SGCZ: variants seen among roughly 807,000 people sequenced by gnomAD.
SGCZ encodes the protein sarcoglycan zeta, also known as zeta-sarcoglycan.
SGCZ carries 40 observed loss-of-function variants against 41.3 expected under a neutral mutation model. That is an observed-to-expected ratio of 0.97 (90% CI 0.75 to 1.26). SGCZ has a LOEUF of 1.26. SGCZ is among the 50% of genes most tolerant of loss of function. The pLI is 0.00. For synonymous variants in SGCZ, 206 were observed against 137.5 expected (o/e 1.50, Z -3.49); for missense variants, 552 against 369.8 (o/e 1.49, Z -4.04).
At chr8:14,190,788 G>C (rs1805076597) in intron 4 of SGCZ, among the ~76,000 whole-genome samples, 1 of 151,786 alleles carries the variant, frequency 6.6e-6, no homozygotes, top group African/African-American at 2.4e-5. Context: ...ATTTTTAGTA[G>C]AGACGGCGTT....
intron 1 of SGCZ, among the ~76,000 whole-genome samples, chr8:14,618,470 T>C (rs1240486706): frequency 6.6e-6 from 1 of 152,118 alleles, no homozygotes; most frequent in Non-Finnish European, 1.5e-5. Context: ...TCCTGGCATA[T>C]TCCAAGGGCA....
chr8:14,715,433 T>C (rs1028323725), intron 1 of SGCZ, among the ~76,000 whole-genome samples: 4 of 152,126 alleles, frequency 2.6e-5, no homozygotes, highest in African/African-American at 9.7e-5. Context: ...CAAAGGTATC[T>C]GCCCACCTAT....
intron 1 of SGCZ, among the ~76,000 whole-genome samples, chr8:14,999,154 G>C (rs546585545): frequency 3.9e-5 from 6 of 152,126 alleles, no homozygotes; most frequent in Non-Finnish European, 7.3e-5. Flanking sequence ...TTTCCATGTA[G>C]CCACACATAT....
At chr8:15,015,230 G>A (rs1383108785) in intron 1 of SGCZ, among the ~76,000 whole-genome samples, 2 of 151,318 alleles carry the variant, frequency 1.3e-5, no homozygotes, top group Non-Finnish European at 2.9e-5. Context: ...GAAACAGAGT[G>A]AGACTCCATC....
intron 2 of SGCZ, among the ~76,000 whole-genome samples, chr8:14,401,090 C>T (rs4831582): frequency 0.19 from 29,584 of 151,882 alleles, 3,577 homozygotes; most frequent in Non-Finnish European, 0.28. Context: ...GGAAAGCAGT[C>T]CACACTGTGC....
chr8:14,389,948 T>C (rs1804707503), intron 2 of SGCZ, among the ~76,000 whole-genome samples: 1 of 151,818 alleles, frequency 6.6e-6, no homozygotes, highest in Admixed American at 6.6e-5. Flanking sequence ...TTAAAAACGG[T>C]GTGAGTATTG....
At chr8:14,671,071 C>T (rs1033527664) in intron 1 of SGCZ, among the ~76,000 whole-genome samples, 2 of 152,306 alleles carry the variant, frequency 1.3e-5, no homozygotes, top group South Asian at 4.1e-4. Context: ...CATTCATTTT[C>T]CTCTTCTTCA....
At chr8:15,103,594 C>T (rs1364534215) in intron 1 of SGCZ, among the ~76,000 whole-genome samples, 1 of 151,812 alleles carries the variant, frequency 6.6e-6, no homozygotes, top group Non-Finnish European at 1.5e-5. Context: ...GAGTCTAAGC[C>T]AAGTCAAACT....
chr8:14,773,425 G>C (rs529960637), intron 1 of SGCZ, among the ~76,000 whole-genome samples: 1 of 152,126 alleles, frequency 6.6e-6, no homozygotes, highest in African/African-American at 2.4e-5. Context: ...TTTGTTCCTG[G>C]TCGTGGGTTT....
At chr8:15,165,291 C>T (rs911996342) in intron 1 of SGCZ, among the ~76,000 whole-genome samples, 14 of 151,804 alleles carry the variant, frequency 9.2e-5, no homozygotes, top group African/African-American at 3.1e-4. Flanking sequence ...CTGTCCTCCC[C>T]GCCCCCACCA....
intron 1 of SGCZ, among the ~76,000 whole-genome samples, chr8:14,940,838 T>G (rs1800251032): frequency 6.6e-6 from 1 of 152,114 alleles, no homozygotes; most frequent in Non-Finnish European, 1.5e-5. Context: ...GGAGACGTTT[T>G]ACGTGTTTTA....
At chr8:14,876,311 C>G (rs1013342366) in intron 1 of SGCZ, among the ~76,000 whole-genome samples, 3 of 152,080 alleles carry the variant, frequency 2.0e-5, no homozygotes, top group Non-Finnish European at 4.4e-5. Context: ...TAAATGAAAA[C>G]AACATAGCAT....
At chr8:14,766,352 T>C (rs1800034257) in intron 1 of SGCZ, among the ~76,000 whole-genome samples, 1 of 152,094 alleles carries the variant, frequency 6.6e-6, no homozygotes, top group Admixed American at 6.6e-5. Context: ...TTAGCCAGAT[T>C]GTATATAATT....
intron 6 of SGCZ, among the ~76,000 whole-genome samples, chr8:14,105,281 G>C (rs1277272372): frequency 6.6e-6 from 1 of 152,042 alleles, no homozygotes; most frequent in Admixed American, 6.5e-5. Flanking sequence ...GAATAAATAA[G>C]TTATAGAAAT....
chr8:14,655,932 G>C (rs1485087923), intron 1 of SGCZ, among the ~76,000 whole-genome samples: 2 of 152,004 alleles, frequency 1.3e-5, no homozygotes, highest in Non-Finnish European at 2.9e-5. Context: ...AGTATTTCAA[G>C]TATTGCTCCT....
intron 1 of SGCZ, among the ~76,000 whole-genome samples, chr8:14,801,373 G>A (rs1169155992): frequency 6.6e-6 from 1 of 152,130 alleles, no homozygotes; most frequent in Non-Finnish European, 1.5e-5. Flanking sequence ...ATCCTATGAA[G>A]TATGGTAAGT....
At chr8:14,849,133 C>T (rs897641649) in intron 1 of SGCZ, among the ~76,000 whole-genome samples, 1 of 152,048 alleles carries the variant, frequency 6.6e-6, no homozygotes, top group African/African-American at 2.4e-5. Flanking sequence ...TTAGGTACAA[C>T]TCACATACTA....
intron 2 of SGCZ, among the ~76,000 whole-genome samples, chr8:14,398,821 G>A (rs370431444): frequency 2.0e-5 from 3 of 152,216 alleles, no homozygotes; most frequent in East Asian, 1.9e-4. Context: ...AGCTCACATA[G>A]CAGGTGGCTT....
At chr8:14,622,000 T>A (rs999902523) in intron 1 of SGCZ, among the ~76,000 whole-genome samples, 16 of 152,208 alleles carry the variant, frequency 1.1e-4, no homozygotes, top group African/African-American at 3.6e-4. Context: ...ATTTGTGCTC[T>A]ACAGATACAA....
Sources: allele counts gnomAD v4.1 joint callset (sites outside exome capture counted in the v4.1 genomes callset), GRCh38; gene constraint gnomAD v4.1.1; transcripts MANE v1.5; gene names NCBI Gene and HGNC (gene_info 2026-07-23, HGNC 2026-07-21).